Variants in IGSF21 observed in about 807,000 individuals in gnomAD.
IGSF21 encodes the protein immunoglobulin superfamily member 21.
In IGSF21, 28 loss-of-function variants were observed where a neutral mutation model predicts 46.8. The ratio of observed to expected loss-of-function variants is 0.60; its 90% CI spans 0.44 to 0.82. The LOEUF (loss-of-function observed/expected upper bound fraction) is 0.82. IGSF21 is among the 40% of genes least tolerant of loss of function. The probability of loss-of-function intolerance (pLI) is 0.00; values close to 1 mark genes in which losing one functional copy is unlikely to be tolerated. For missense variants in IGSF21, 624 were observed against 665.5 expected (o/e 0.94, Z 0.69); for synonymous variants, 284 against 273.6 (o/e 1.04, Z -0.38).
intron 1 of IGSF21, among the ~76,000 whole-genome samples, chr1:18,209,715 C>T (rs1570340181): frequency 6.6e-6 from 1 of 151,402 alleles, no homozygotes; most frequent in African/African-American, 2.4e-5. Flanking sequence ...CCACCTTGGC[C>T]TCGTAAAGTG....
chr1:18,204,344 G>T (rs567764502), intron 1 of IGSF21, among the ~76,000 whole-genome samples: 1 of 152,240 alleles, frequency 6.6e-6, no homozygotes, highest in Non-Finnish European at 1.5e-5. Context: ...CGCAACTTCA[G>T]TGATCAGCAG....
intron 1 of IGSF21, among the ~76,000 whole-genome samples, chr1:18,120,434 C>T (rs1242628268): frequency 6.6e-6 from 1 of 152,176 alleles, no homozygotes; most frequent in African/African-American, 2.4e-5. Flanking sequence ...AAAGCCCATA[C>T]AGATCAGCCT....
Position 18,172,397 on chromosome 1 carries a change from T to C in IGSF21, c.71-55501T>C, listed in dbSNP as rs187542691. On this transcript the variant is annotated intron_variant, in intron 1 of 9. Transcript: ENST00000251296. The stretch of plus-strand genomic sequence containing the variant: ...TTGTCTTAGTCTGCTGTGGCTGCCA[T>C]AACACATATCATAGACTGTGTGGCT... Among the ~76,000 whole-genome samples the C allele has an allele frequency of 1.2e-3, 183 of 152,312 alleles. 2 individuals are homozygous for C. The Middle Eastern group carries it at 0.014, about 11-fold the overall frequency.
chr1:18,258,552 T>A (rs921719427), intron 2 of IGSF21, among the ~76,000 whole-genome samples: 3 of 152,202 alleles, frequency 2.0e-5, no homozygotes, highest in Non-Finnish European at 4.4e-5. Flanking sequence ...TGTCTGAGCC[T>A]CAGTTTCCTT....
At chr1:18,225,128 C>CACACACACACAA (rs2084552696) in intron 1 of IGSF21, among the ~76,000 whole-genome samples, 1 of 141,222 alleles carries the variant, frequency 7.1e-6, no homozygotes, top group Non-Finnish European at 1.6e-5. Context: ...CACACACACA[C>CACACACACACAA]AAAGAAATCA....
chr1:18,139,421 G>A (rs891937413), intron 1 of IGSF21, among the ~76,000 whole-genome samples: 1 of 152,142 alleles, frequency 6.6e-6, no homozygotes, highest in South Asian at 2.1e-4. Context: ...GATCGTGCAG[G>A]CTCCCTGGGC....
Position 18,175,386 on chromosome 1 carries a change from G to A in IGSF21, c.71-52512G>A, listed in dbSNP as rs1328593033. 3.3e-5 allele frequency among the ~76,000 whole-genome samples: 5 copies of A among 152,154 alleles called. No homozygotes were observed. The East Asian group carries it at 5.8e-4, about 18-fold the overall frequency. On this transcript the variant is annotated intron_variant, in intron 1 of 9. Transcript: ENST00000251296. ...ACTAGGCCTCCCTATCTTATCTAGC[G>A]GGGAGTGAACTGCAGAGTTAGCACC...
chr1:18,115,897 GAAAGA>G (rs1439405137), intron 1 of IGSF21: 1 of 90,312 alleles, frequency 1.1e-5, no homozygotes, highest in African/African-American at 3.9e-5. Context: ...AAGAAAGAAA[GAAAGA>G]AGGAGAGGGA....
chr1:18,186,414 T>A (rs2086903381), intron 1 of IGSF21, among the ~76,000 whole-genome samples: 1 of 152,066 alleles, frequency 6.6e-6, no homozygotes, highest in African/African-American at 2.4e-5. Flanking sequence ...TGGAAATCAC[T>A]CCTCATACCT....
rs974371330 is a variant in IGSF21 at position 18,368,459 on chromosome 1, C to T, written c.1015+2762C>T. 5.4e-5 allele frequency among the ~76,000 whole-genome samples: 8 copies of T among 148,006 alleles called. No individual in the cohort carries two copies. In the South Asian group the frequency reaches 1.3e-3, roughly 24 times the overall value. Reference sequence around the variant, plus strand: ...CCAGGAGGCAGAGGCTGCAGTGAGCCGAGATTGCACCACTGCACTCCAGCC... The same window carrying T: ...CCAGGAGGCAGAGGCTGCAGTGAGCTGAGATTGCACCACTGCACTCCAGCC... On this transcript the variant is annotated intron_variant, in intron 6 of 9. Coordinates refer to ENST00000251296, the MANE Select transcript of IGSF21 (RefSeq NM_032880.5).
intron 1 of IGSF21, among the ~76,000 whole-genome samples, chr1:18,140,935 T>C (rs887068280): frequency 3.9e-5 from 6 of 152,188 alleles, no homozygotes; most frequent in Non-Finnish European, 8.8e-5. Context: ...TGTACACCCC[T>C]TAGCCCTCTG....
At chr1:18,166,057 G>C (rs947672662) in intron 1 of IGSF21, among the ~76,000 whole-genome samples, 6 of 152,306 alleles carry the variant, frequency 3.9e-5, no homozygotes, top group Non-Finnish European at 8.8e-5. Context: ...AAAACTGCTA[G>C]CAAGTGTACC....
intron 3 of IGSF21, among the ~76,000 whole-genome samples, chr1:18,329,262 T>G (rs2085687530): frequency 6.6e-6 from 1 of 152,322 alleles, no homozygotes; most frequent in African/African-American, 2.4e-5. Context: ...CTCAGTGCAG[T>G]GCCTCCTACT....
At chr1:18,148,414 G>A (rs1458153131) in intron 1 of IGSF21, among the ~76,000 whole-genome samples, 1 of 152,166 alleles carries the variant, frequency 6.6e-6, no homozygotes, top group Non-Finnish European at 1.5e-5. Flanking sequence ...TTACTGGCGT[G>A]AGCCACCATG....
chr1:18,373,284 C>T (rs763556349), intron 6 of IGSF21, among the ~76,000 whole-genome samples: 23 of 152,186 alleles, frequency 1.5e-4, no homozygotes, highest in Non-Finnish European at 2.6e-4. Flanking sequence ...ACGTCCAGGG[C>T]TTGAGAGGCA....
intron 5 of IGSF21, among the ~76,000 whole-genome samples, chr1:18,362,867 C>T (rs2086117151): frequency 6.6e-6 from 1 of 152,124 alleles, no homozygotes; most frequent in African/African-American, 2.4e-5. Context: ...GGAGGTGCAG[C>T]GTCCAGAGAG....
chr1:18,269,226 C>T (rs149936517), intron 2 of IGSF21, among the ~76,000 whole-genome samples: 367 of 152,224 alleles, frequency 2.4e-3, no homozygotes, highest in African/African-American at 8.3e-3. Context: ...GCTGCTGATG[C>T]CGATGAGACT....
intron 1 of IGSF21, among the ~76,000 whole-genome samples, chr1:18,159,644 A>G (rs2086598555): frequency 6.6e-6 from 1 of 151,078 alleles, no homozygotes; most frequent in African/African-American, 2.4e-5. Context: ...TAAACCCATT[A>G]AACCTCTTTT....
chr1:18,378,417 T>C lies in IGSF21; in HGVS notation c.*91T>C. ...AAACTATTTCCAGTCTTGTTCTTAG[T>C]CTCTTTCCATCTGTGTCTTGGCTTC... On this transcript the variant is annotated 3_prime_UTR_variant, in exon 10 of 10. Transcript: ENST00000251296. 1.9e-6 allele frequency: 2 copies of C among 1,057,844 alleles called. No individual in the cohort carries two copies. The highest frequency in any genetic ancestry group is 1.6e-5 in the African/African-American group (1 of 62,984). 65.5% of individuals were successfully genotyped at this position (1,057,844 alleles called of 1,614,324 possible). A position where few individuals can be genotyped will look rare whatever the true frequency, so the allele number is the denominator to read the frequency against.
Sources: allele counts gnomAD v4.1 joint callset (sites outside exome capture counted in the v4.1 genomes callset), GRCh38; gene constraint gnomAD v4.1.1; transcripts MANE v1.5; gene names NCBI Gene and HGNC (gene_info 2026-07-23, HGNC 2026-07-21).